Variants in ZMIZ1 observed in about 807,000 individuals in gnomAD.
ZMIZ1 encodes zinc finger MIZ-type containing 1.
A neutral mutation model predicts 113.9 loss-of-function variants in ZMIZ1; 17 were observed. The observed-to-expected ratio is 0.15, with a 90% CI of 0.10 to 0.22. ZMIZ1 has a LOEUF of 0.22. ZMIZ1 is among the 10% of genes least tolerant of loss of function. The pLI, the probability that ZMIZ1 is intolerant of heterozygous loss-of-function variation, is 1.00. For missense variants in ZMIZ1, 1,059 were observed against 1,477.8 expected, an observed-to-expected ratio of 0.72 and a Z score of 4.65; for synonymous variants, 607 against 603.1, an observed-to-expected ratio of 1.01 and a Z score of -0.09.
chr10:79,278,274 G>A (rs1023706722), intron 8 of ZMIZ1, among the ~76,000 whole-genome samples: 3 of 152,124 alleles, frequency 2.0e-5, no homozygotes, highest in South Asian at 2.1e-4. Context: ...TTGTACCATC[G>A]CAAGCCCACC....
At chr10:79,121,357 A>C (rs189280015) in intron 2 of ZMIZ1, among the ~76,000 whole-genome samples, 4 of 152,268 alleles carry the variant, frequency 2.6e-5, no homozygotes, top group African/African-American at 9.6e-5. Context: ...CCTCCTTCCC[A>C]GAGAGCCCCT....
At chr10:79,080,156 G>A (rs150300635) in intron 1 of ZMIZ1, among the ~76,000 whole-genome samples, 1,668 of 152,300 alleles carry the variant, frequency 0.011, 28 homozygotes, top group African/African-American at 0.038. Context: ...CTGGGATCCT[G>A]AGAAGTGGGC....
chr10:79,090,904 C>T (rs536785590), intron 1 of ZMIZ1, among the ~76,000 whole-genome samples: 13 of 152,352 alleles, frequency 8.5e-5, no homozygotes, highest in African/African-American at 3.1e-4. Context: ...CTGGCCTCAT[C>T]GCCAGGTCAA....
intron 3 of ZMIZ1, among the ~76,000 whole-genome samples, chr10:79,151,996 AT>A (rs540482875): frequency 8.1e-4 from 124 of 152,284 alleles, no homozygotes; most frequent in Non-Finnish European, 1.2e-3. Flanking sequence ...CCACCAGGTG[AT>A]GGTGCTCTGC....
chr10:79,130,621 T>A (rs996739065), intron 2 of ZMIZ1, among the ~76,000 whole-genome samples: 1 of 152,162 alleles, frequency 6.6e-6, no homozygotes, highest in Admixed American at 6.5e-5. Flanking sequence ...GCGCCATGGT[T>A]GGTGCATAGG....
At chr10:79,223,979 G>A (rs1360197987) in intron 7 of ZMIZ1, among the ~76,000 whole-genome samples, 1 of 152,188 alleles carries the variant, frequency 6.6e-6, no homozygotes, top group African/African-American at 2.4e-5. Context: ...GGAATGAGCA[G>A]TGGGGAGGGG....
At chr10:79,309,252 C>A (rs1647229206) in intron 23 of ZMIZ1, among the ~76,000 whole-genome samples, 1 of 152,242 alleles carries the variant, frequency 6.6e-6, no homozygotes, top group Non-Finnish European at 1.5e-5. Flanking sequence ...CCAACAGCAC[C>A]TGCCCCTCCA....
intron 2 of ZMIZ1, among the ~76,000 whole-genome samples, chr10:79,137,385 C>T (rs1268001874): frequency 6.6e-6 from 1 of 152,250 alleles, no homozygotes; most frequent in Non-Finnish European, 1.5e-5. Flanking sequence ...AAGGAGTCTT[C>T]TCTGCATATG....
At chr10:79,172,277 C>A (rs1448091854) in intron 4 of ZMIZ1, among the ~76,000 whole-genome samples, 8 of 152,198 alleles carry the variant, frequency 5.3e-5, no homozygotes, top group African/African-American at 1.9e-4. Flanking sequence ...TGGGAGCCTC[C>A]CTGGGGCACA....
intron 7 of ZMIZ1, among the ~76,000 whole-genome samples, chr10:79,223,909 C>T (rs1302088665): frequency 6.6e-6 from 1 of 152,240 alleles, no homozygotes; most frequent in Non-Finnish European, 1.5e-5. Context: ...TTTATGGACA[C>T]AGTGTTCCCA....
chr10:79,276,008 A>G (rs997141569), intron 7 of ZMIZ1, among the ~76,000 whole-genome samples: 1 of 151,954 alleles, frequency 6.6e-6, no homozygotes. Flanking sequence ...ATGCCTGGCC[A>G]CTCTTGCCCA....
At chr10:79,173,943 C>T (rs577469399) in intron 4 of ZMIZ1, among the ~76,000 whole-genome samples, 5 of 152,274 alleles carry the variant, frequency 3.3e-5, no homozygotes, top group African/African-American at 1.2e-4. Flanking sequence ...CCCCTGCCAA[C>T]CAGAAAGATC....
chr10:79,197,051 G>T (rs1383778219), intron 4 of ZMIZ1, among the ~76,000 whole-genome samples: 1 of 152,224 alleles, frequency 6.6e-6, no homozygotes, highest in Non-Finnish European at 1.5e-5. Context: ...CCTGCTGGCT[G>T]CCTGGGCCAC....
At chr10:79,228,097 G>A (rs1849262707) in intron 7 of ZMIZ1, among the ~76,000 whole-genome samples, 1 of 152,230 alleles carries the variant, frequency 6.6e-6, no homozygotes, top group Non-Finnish European at 1.5e-5. Context: ...AGTCTTCCCA[G>A]CAGCCCAGCT....
intron 7 of ZMIZ1, among the ~76,000 whole-genome samples, chr10:79,248,296 C>T (rs1850331155): frequency 6.6e-6 from 1 of 152,078 alleles, no homozygotes; most frequent in African/African-American, 2.4e-5. Flanking sequence ...GGTGGGAGGA[C>T]TAGTAGCTGC....
intron 7 of ZMIZ1, among the ~76,000 whole-genome samples, chr10:79,254,057 T>G (rs936886641): frequency 1.3e-5 from 2 of 152,238 alleles, no homozygotes; most frequent in African/African-American, 4.8e-5. Context: ...TTGTATATAC[T>G]TCAGAAACAA....
chr10:79,308,081 C>A (rs1003168881), intron 23 of ZMIZ1, among the ~76,000 whole-genome samples: 1 of 152,214 alleles, frequency 6.6e-6, no homozygotes, highest in African/African-American at 2.4e-5. Context: ...TCGACATATG[C>A]CCTGTGTGGC....
At chr10:79,259,622 T>C (rs1481839003) in intron 7 of ZMIZ1, among the ~76,000 whole-genome samples, 1 of 151,744 alleles carries the variant, frequency 6.6e-6, no homozygotes, top group Non-Finnish European at 1.5e-5. Context: ...ACCTTCTTTT[T>C]TTTTTTTTTT....
At chr10:79,226,453 A>G (rs1179330279) in intron 7 of ZMIZ1, among the ~76,000 whole-genome samples, 1 of 152,182 alleles carries the variant, frequency 6.6e-6, no homozygotes, top group Non-Finnish European at 1.5e-5. Context: ...GGTCCTGCCA[A>G]AACAACCCCC....
Sources: allele counts gnomAD v4.1 joint callset (sites outside exome capture counted in the v4.1 genomes callset), GRCh38; gene constraint gnomAD v4.1.1; transcripts MANE v1.5; gene names NCBI Gene and HGNC (gene_info 2026-07-23, HGNC 2026-07-21).